PPP1R2C: variants seen among roughly 807,000 people sequenced by gnomAD.
PPP1R2C encodes the protein protein phosphatase inhibitor 2 family member C.
For synonymous variants in PPP1R2C, 58 were observed against 27.9 expected (o/e 2.08, Z -3.39); for missense variants, 118 against 63.1 (o/e 1.87, Z -2.95).
In PPP1R2C at chrX:42,777,954, C is replaced by G; in HGVS notation, c.126G>C (p.Lys42Asn). The change falls in exon 1 of 1, where the codon AAG becomes AAC. Residue 42 changes from lysine (K) to asparagine (N), a missense_variant. Coordinates refer to ENST00000378131, the MANE Select transcript of PPP1R2C (RefSeq NM_025210.2). The part of the protein sequence containing the change: ...SGGTIQDVKR[K>N]KSQKWDESSI... ...TTGATTCGTCCCACTTTTGGGATTT[C>G]TTTCTCTTCACATCTTGAATAGTCC... is the stretch of plus-strand genomic sequence containing the variant. The G allele has an allele frequency of 1.9e-6, 1 of 515,482 alleles. No homozygotes were observed. The highest frequency in any genetic ancestry group is 3.5e-6 in the Non-Finnish European group (1 of 287,048). The allele number at this position is 515,482 out of a possible 1,213,427, so 42.5% of individuals were successfully genotyped here.
Position 42,777,484 on chromosome X carries a change from G to T in PPP1R2C, c.596C>A (p.Ser199Ter). The T allele has an allele frequency of 2.0e-6, 1 of 510,327 alleles. No homozygotes were observed. Among genetic ancestry groups the T allele is most frequent in the South Asian group, 2.5e-5 (1 of 39,461 alleles). The allele number at this position is 510,327 out of a possible 1,213,427, so 42.1% of individuals were successfully genotyped here. ...AGCAGGCATCTTCTAAGGGTCGCAT[G>T]ACTGGGTTTGCAGTCCACCGGTCAG... Reference protein sequence around the residue: ...APLTGGLQTQSCDP With the variant: ...APLTGGLQTQ The change falls in exon 1 of 1, where the codon TCA (serine) becomes TAA (stop). Residue 199 changes from serine (S) to a stop codon, truncating the protein, a stop_gained. Transcript: ENST00000378131. LOFTEE classifies it high-confidence loss of function.
At position 42,777,924 on chromosome X, in the gene PPP1R2C, G is replaced by A. The variant is rs1400951753; in HGVS notation, c.156C>T (p.Ile52=). Residue 52 remains isoleucine (I), a synonymous_variant, in exon 1 of 1, where the codon ATC becomes ATT. Coordinates refer to ENST00000378131, the MANE Select transcript of PPP1R2C (RefSeq NM_025210.2). ...TGTACGTTGCGCGGTGTGCCGCAAG[G>A]ATGCTTGATTCGTCCCACTTTTGGG... is the stretch of plus-strand genomic sequence containing the variant. The part of the protein sequence containing the change: ...KKSQKWDESS[I]LAAHRATYRD... 7.8e-6 allele frequency: 4 copies of A among 515,602 alleles called. No individual in the cohort carries two copies. The highest frequency in any genetic ancestry group is 1.0e-5 in the Non-Finnish European group (3 of 287,097). The allele number at this position is 515,602 out of a possible 1,213,427, so 42.5% of individuals were successfully genotyped here. A position where few individuals can be genotyped will look rare whatever the true frequency, so the allele number is the denominator to read the frequency against.
Position 42,778,016 on chromosome X carries a change from C to A in PPP1R2C, c.64G>T (p.Gly22Cys), listed in dbSNP as rs756556799. 1.9e-6 allele frequency: 1 copy of A among 514,930 alleles called. No individual in the cohort carries two copies. The highest frequency in any genetic ancestry group is 2.6e-5 in the Admixed American group (1 of 37,919). 42.4% of individuals were successfully genotyped at this position (514,930 alleles called of 1,213,427 possible). A position where few individuals can be genotyped will look rare whatever the true frequency, so the allele number is the denominator to read the frequency against. The change falls in exon 1 of 1, where the codon GGT becomes TGT. Residue 22 changes from glycine (G) to cysteine (C), a missense_variant. Physicochemically the swap from Gly to Cys is radical, Grantham distance 159 (BLOSUM62 -3). Transcript: ENST00000378131. ...TGACCGGAAGTCGCCACCGAGGAAC[C>A]CGACGAGCTTTTGTTTTTCAGGATC... ...KGILKNKSSS[G>C]SSVATSGQQS...
Position 42,777,507 on chromosome X carries a change from C to A in PPP1R2C, c.573G>T (p.Leu191=), listed in dbSNP as rs1601969324. The A allele has an allele frequency of 1.9e-6, 1 of 514,996 alleles. No individual in the cohort carries two copies. Among genetic ancestry groups the A allele is most frequent in the East Asian group, 3.6e-5 (1 of 27,755 alleles). 42.4% of individuals were successfully genotyped at this position (514,996 alleles called of 1,213,427 possible). The part of the protein sequence containing the change: ...TAAEESEEAP[L]TGGLQTQSCD... Reference sequence around the variant, plus strand: ...ATGACTGGGTTTGCAGTCCACCGGTCAGAGGAGCTTCCTCTGATTCTTCCG... The same window carrying A: ...ATGACTGGGTTTGCAGTCCACCGGTAAGAGGAGCTTCCTCTGATTCTTCCG... The change falls in exon 1 of 1, where the codon CTG becomes CTT. Residue 191 remains leucine (L), a synonymous_variant. Transcript: ENST00000378131.
At position 42,778,121 on chromosome X, in the gene PPP1R2C, A is replaced by G. The variant is rs1456816914; in HGVS notation, c.-42T>C. 2.1e-5 allele frequency: 10 copies of G among 479,553 alleles called. No individual in the cohort carries two copies. Among genetic ancestry groups the G allele is most frequent in the Non-Finnish European group, 3.3e-5 (9 of 270,154 alleles). The allele number at this position is 479,553 out of a possible 1,213,427, so 39.5% of individuals were successfully genotyped here. On this transcript the variant is annotated 5_prime_UTR_variant, in exon 1 of 1. Coordinates refer to ENST00000378131, the MANE Select transcript of PPP1R2C (RefSeq NM_025210.2). Reference sequence around the variant, plus strand: ...CTGCGAGAGAGTTGGGCCGCTGAGTAGCCGTCCACCGCCCTCCAGTCTGAA... The same window carrying G: ...CTGCGAGAGAGTTGGGCCGCTGAGTGGCCGTCCACCGCCCTCCAGTCTGAA...
At position 42,777,755 on chromosome X, in the gene PPP1R2C, G is replaced by A. The variant is rs1025544990; in HGVS notation, c.325C>T (p.His109Tyr). The stretch of plus-strand genomic sequence containing the variant: ...TCTTGCTCGTCCACCTCACAGCTGT[G>A]GTCGGAAGCATCGGTGGCTTCCTTT... ...EGKEATDASD[H>Y]SCEVDEQESS... Residue 109 changes from histidine to tyrosine, a missense_variant, in exon 1 of 1, where the codon CAC becomes TAC. His to Tyr is a moderately conservative substitution (Grantham distance 83). Transcript: ENST00000378131. The A allele has an allele frequency of 1.6e-5, 8 of 513,192 alleles. No homozygotes were observed. The highest frequency in any genetic ancestry group is 1.2e-4 in the South Asian group (5 of 40,502). 42.3% of individuals were successfully genotyped at this position (513,192 alleles called of 1,213,427 possible). A position where few individuals can be genotyped will look rare whatever the true frequency, so the allele number is the denominator to read the frequency against.
At position 42,777,669 on chromosome X, in the gene PPP1R2C, G is replaced by A. The variant is rs1157514314; in HGVS notation, c.411C>T (p.Phe137=). Residue 137 remains phenylalanine, a synonymous_variant, in exon 1 of 1, where the codon TTC becomes TTT. Transcript: ENST00000378131. ...TGTAGTGAAGCCTTCTTCTCATTTC[G>A]AACTGCCGCTTTTTCTCCTGTTTGT... ...LLHKQEKKRQ[F]EMRRRLHYNE... is the part of the protein sequence containing the mutation. The A allele has an allele frequency of 7.8e-6, 4 of 513,555 alleles. No individual in the cohort carries two copies. The highest frequency in any genetic ancestry group is 1.4e-5 in the Non-Finnish European group (4 of 286,803). The allele number at this position is 513,555 out of a possible 1,213,427, so 42.3% of individuals were successfully genotyped here.
chrX:42,777,767 C>T lies in PPP1R2C; in HGVS notation c.313G>A (p.Asp105Asn), dbSNP rs1925050021. ...VRGVEGKEAT[D>N]ASDHSCEVDE... Reference sequence around the variant, plus strand: ...ACCTCACAGCTGTGGTCGGAAGCATCGGTGGCTTCCTTTCCTTCGACACCA... The same window carrying T: ...ACCTCACAGCTGTGGTCGGAAGCATTGGTGGCTTCCTTTCCTTCGACACCA... The change falls in exon 1 of 1, where the codon GAT becomes AAT. Residue 105 changes from aspartate to asparagine, a missense_variant. Transcript: ENST00000378131. The T allele has an allele frequency of 1.9e-6, 1 of 515,234 alleles. No homozygotes were observed. The highest frequency in any genetic ancestry group is 3.6e-5 in the East Asian group (1 of 27,731). 42.5% of individuals were successfully genotyped at this position (515,234 alleles called of 1,213,427 possible).
Sources: allele counts gnomAD v4.1 joint callset, GRCh38; gene constraint gnomAD v4.1.1; transcripts MANE v1.5; gene names NCBI Gene and HGNC (gene_info 2026-07-23, HGNC 2026-07-21).